SH3GL2: variants seen among roughly 807,000 people sequenced by gnomAD.
The protein encoded by SH3GL2 is SH3 domain containing GRB2 like 2, endophilin A1.
Under a neutral mutation model 46.0 loss-of-function variants are expected in SH3GL2, and 24 were observed. The observed-to-expected ratio is 0.52, with a 90% CI of 0.38 to 0.73. SH3GL2 has a LOEUF of 0.73. Among genes scored for constraint, SH3GL2 ranks in the 30% least tolerant of loss-of-function variants. SH3GL2 has a pLI of 0.00. For missense variants in SH3GL2, 413 were observed against 424.2 expected (o/e 0.97, Z 0.23); for synonymous variants, 196 against 147.1 (o/e 1.33, Z -2.40).
At chr9:17,652,172 T>G (rs1819973705) in intron 1 of SH3GL2, among the ~76,000 whole-genome samples, 1 of 152,156 alleles carries the variant, frequency 6.6e-6, no homozygotes, top group Non-Finnish European at 1.5e-5. Context: ...CATTATTATT[T>G]TCTATTGAAG....
At chr9:17,683,902 A>G (rs1033135137) in intron 1 of SH3GL2, among the ~76,000 whole-genome samples, 9 of 151,940 alleles carry the variant, frequency 5.9e-5, no homozygotes, top group South Asian at 2.1e-4. Flanking sequence ...TCAGCTCTCA[A>G]CTCCTGACTC....
rs1338284102 is a variant in SH3GL2 at position 17,602,887 on chromosome 9, T to C, written c.45+23600T>C. 4.6e-5 allele frequency among the ~76,000 whole-genome samples: 7 copies of C among 152,242 alleles called. No homozygotes were observed. In the East Asian group the frequency reaches 1.3e-3, roughly 29 times the overall value. On this transcript the variant is annotated intron_variant, in intron 1 of 8. Coordinates refer to ENST00000380607, the MANE Select transcript of SH3GL2 (RefSeq NM_003026.5). ...TTGATGTGCTATCAAGAAAAATCCA[T>C]CTTAAATCCCCTGCAAAGTTCATTA... is the stretch of plus-strand genomic sequence containing the variant.
chr9:17,738,444 A>G (rs892505541), intron 1 of SH3GL2, among the ~76,000 whole-genome samples: 4 of 151,614 alleles, frequency 2.6e-5, no homozygotes, highest in East Asian at 3.9e-4. Flanking sequence ...GAGAAACAGA[A>G]TGGTGAGACA....
In SH3GL2 at chr9:17,784,640, CTG is replaced by C. The variant is rs139397776; in HGVS notation, c.188-1737_188-1736del. On this transcript the variant is annotated intron_variant, in intron 3 of 8. Transcript: ENST00000380607. ...ATTGTGAGCACCTTGAGGGCTGGGA[CTG>C]TGTCCTTCCTGGATCTCAGATATGA... Among the ~76,000 whole-genome samples, 16 of 152,292 alleles carry C rather than the reference CTG, an allele frequency of 1.1e-4. No individual in the cohort carries two copies. The East Asian group carries it at 2.5e-3, about 24-fold the overall frequency.
At chr9:17,605,557 G>C (rs1260901386) in intron 1 of SH3GL2, among the ~76,000 whole-genome samples, 1 of 152,136 alleles carries the variant, frequency 6.6e-6, no homozygotes, top group East Asian at 1.9e-4. Flanking sequence ...TATAGTCCTA[G>C]TACCTGAGAG....
chr9:17,756,104 C>A (rs1461415403), intron 2 of SH3GL2, among the ~76,000 whole-genome samples: 1 of 152,084 alleles, frequency 6.6e-6, no homozygotes, highest in Non-Finnish European at 1.5e-5. Flanking sequence ...CGTCCATTGA[C>A]AGCGTTTAAA....
chr9:17,586,857 G>T (rs531940586), intron 1 of SH3GL2, among the ~76,000 whole-genome samples: 1 of 152,304 alleles, frequency 6.6e-6, no homozygotes, highest in Admixed American at 6.5e-5. Context: ...CAGCCAAACC[G>T]TATCACAGAA....
chr9:17,702,627 A>T (rs1238365129), intron 1 of SH3GL2, among the ~76,000 whole-genome samples: 2 of 152,112 alleles, frequency 1.3e-5, no homozygotes, highest in African/African-American at 4.8e-5. Flanking sequence ...AACAACCTGC[A>T]TGTGAATATA....
chr9:17,771,356 T>G (rs997721210), intron 3 of SH3GL2, among the ~76,000 whole-genome samples: 8 of 152,204 alleles, frequency 5.3e-5, no homozygotes. Context: ...TGCCTGACAC[T>G]TAGTAGGGAC....
At chr9:17,719,181 C>T (rs148524287) in intron 1 of SH3GL2, among the ~76,000 whole-genome samples, 11 of 152,200 alleles carry the variant, frequency 7.2e-5, no homozygotes, top group African/African-American at 1.9e-4. Flanking sequence ...ATGTCAAGTG[C>T]CTTGCAGTAG....
intron 2 of SH3GL2, among the ~76,000 whole-genome samples, chr9:17,754,627 C>T (rs1052781461): frequency 6.6e-6 from 1 of 152,158 alleles, no homozygotes. Context: ...GAGCCGAGAT[C>T]ACGCCACTGT....
At chr9:17,758,905 T>C (rs896139485) in intron 2 of SH3GL2, among the ~76,000 whole-genome samples, 2 of 152,126 alleles carry the variant, frequency 1.3e-5, no homozygotes, top group Non-Finnish European at 2.9e-5. Context: ...GAATAGTTTT[T>C]ATTCCTACTT....
Position 17,671,302 on chromosome 9 carries a change from A to AT in SH3GL2, c.46-75754dup, listed in dbSNP as rs57118518. Among the ~76,000 whole-genome samples, 62 of 151,098 alleles carry AT rather than the reference A, an allele frequency of 4.1e-4. 1 individual carries two copies. The South Asian group carries it at 6.1e-3, about 15-fold the overall frequency. ...TGGTTTCTGTTTTACACAATGAGGAATTTTTTTTTTAAGAAGAGTTAAATA... is the reference window on the plus strand; with the variant it reads ...TGGTTTCTGTTTTACACAATGAGGAATTTTTTTTTTTAAGAAGAGTTAAATA... On this transcript the variant is annotated intron_variant, in intron 1 of 8. Transcript: ENST00000380607.
intron 1 of SH3GL2, among the ~76,000 whole-genome samples, chr9:17,722,046 G>A (rs1026024692): frequency 4.6e-5 from 7 of 151,942 alleles, no homozygotes; most frequent in African/African-American, 1.2e-4. Context: ...CTCTCTCTAC[G>A]TTGCTATATC....
intron 1 of SH3GL2, among the ~76,000 whole-genome samples, chr9:17,690,290 C>G (rs750117383): frequency 6.6e-6 from 1 of 152,094 alleles, no homozygotes; most frequent in Non-Finnish European, 1.5e-5. Flanking sequence ...AGCATTCCCC[C>G]GGGCGAGGCC....
chr9:17,736,058 G>C (rs1277372385), intron 1 of SH3GL2, among the ~76,000 whole-genome samples: 1 of 152,062 alleles, frequency 6.6e-6, no homozygotes, highest in Non-Finnish European at 1.5e-5. Context: ...GCAGGCAGCA[G>C]ACCTCACGGC....
Position 17,698,477 on chromosome 9 carries a change from T to A in SH3GL2, c.46-48589T>A, listed in dbSNP as rs112622683. ...GCCAGAAGAAAATCCTTGGAAAGTA[T>A]TTTTTTAAATCTGTGTGAATATGTT... On this transcript the variant is annotated intron_variant, in intron 1 of 8. Coordinates refer to ENST00000380607, the MANE Select transcript of SH3GL2 (RefSeq NM_003026.5). Among the ~76,000 whole-genome samples the A allele has an allele frequency of 7.5e-3, 1,146 of 152,318 alleles. 5 individuals are homozygous for A. Among genetic ancestry groups the A allele is most frequent in the Non-Finnish European group, 0.012 (847 of 68,036 alleles).
At chr9:17,771,951 A>T (rs535204330) in intron 3 of SH3GL2, among the ~76,000 whole-genome samples, 2 of 152,322 alleles carry the variant, frequency 1.3e-5, no homozygotes, top group Admixed American at 1.3e-4. Context: ...AGTTAACTAC[A>T]AAAGAAACAA....
At chr9:17,679,686 A>C (rs961524061) in intron 1 of SH3GL2, among the ~76,000 whole-genome samples, 1 of 152,172 alleles carries the variant, frequency 6.6e-6, no homozygotes, top group African/African-American at 2.4e-5. Flanking sequence ...GTGGTGAGAG[A>C]GGGCATCCTT....
Sources: gnomAD v4.1 joint callset for allele counts (sites outside exome capture counted in the v4.1 genomes callset) on GRCh38, gnomAD v4.1.1 for gene constraint, MANE v1.5 for transcripts, NCBI Gene and HGNC (gene_info 2026-07-23, HGNC 2026-07-21) for gene names.